The following SORCS3 variants were observed in gnomAD, a reference collection of about 807,000 sequenced individuals.
SORCS3 encodes the protein VPS10 domain-containing receptor SorCS3.
In SORCS3, 57 loss-of-function variants were observed where a neutral mutation model predicts 146.3. That is an observed-to-expected ratio of 0.39 (90% CI 0.31 to 0.49). The LOEUF is 0.49. Ranked by LOEUF, SORCS3 falls within the 20% of genes least tolerant of loss-of-function variation. The pLI, the probability that SORCS3 is intolerant of heterozygous loss-of-function variation, is 0.92. For missense variants in SORCS3, 1,341 were observed against 1,575.5 expected (o/e 0.85, Z 2.52); for synonymous variants, 653 against 618.5 (o/e 1.06, Z -0.83).
intron 1 of SORCS3, among the ~76,000 whole-genome samples, chr10:104,695,218 G>C (rs1042791410): frequency 6.6e-6 from 1 of 152,026 alleles, no homozygotes; most frequent in African/African-American, 2.4e-5. Context: ...TTCACTTATA[G>C]GAAGAGATTA....
chr10:105,151,489 T>G (rs554565182), intron 9 of SORCS3, among the ~76,000 whole-genome samples: 1 of 152,254 alleles, frequency 6.6e-6, no homozygotes, highest in South Asian at 2.1e-4. Context: ...CTGTTTCCCC[T>G]TGACTCAAAG....
At position 104,817,771 on chromosome 10, in the gene SORCS3, T is replaced by G. The variant is rs1470700603; in HGVS notation, c.628-25021T>G. On this transcript the variant is annotated intron_variant, in intron 1 of 26. Transcript: ENST00000369701. ...GCAAGTGAGTAAGGGGGTGGGCAGA[T>G]GAAGAAATCAGTCAGGGGGGATCAG... is the stretch of plus-strand genomic sequence containing the variant. 2.7e-5 allele frequency among the ~76,000 whole-genome samples: 4 copies of G among 147,214 alleles called. No homozygotes were observed. In the South Asian group the frequency reaches 9.0e-4, roughly 33 times the overall value.
At chr10:104,905,324 G>A (rs1374866170) in intron 2 of SORCS3, among the ~76,000 whole-genome samples, 2 of 152,094 alleles carry the variant, frequency 1.3e-5, no homozygotes, top group African/African-American at 2.4e-5. Flanking sequence ...TTGGAAACTG[G>A]GAATTTCCTC....
chr10:104,655,813 A>G (rs1372302815), intron 1 of SORCS3, among the ~76,000 whole-genome samples: 1 of 152,200 alleles, frequency 6.6e-6, no homozygotes, highest in African/African-American at 2.4e-5. Context: ...CGTGTAAGAC[A>G]TCTGCTCCCC....
chr10:105,180,915 T>C (rs2056438937), intron 14 of SORCS3, among the ~76,000 whole-genome samples: 1 of 152,206 alleles, frequency 6.6e-6, no homozygotes, highest in South Asian at 2.1e-4. Flanking sequence ...TTATTTATTT[T>C]TTCCTTCACA....
chr10:104,789,478 C>G (rs915564970), intron 1 of SORCS3, among the ~76,000 whole-genome samples: 1 of 152,182 alleles, frequency 6.6e-6, no homozygotes, highest in African/African-American at 2.4e-5. Context: ...TTATTCATCT[C>G]TCCACTCAGG....
intron 2 of SORCS3, among the ~76,000 whole-genome samples, chr10:104,878,449 G>A (rs954736860): frequency 2.0e-5 from 3 of 152,048 alleles, no homozygotes; most frequent in Admixed American, 6.5e-5. Context: ...TATTATAGAA[G>A]GTACTTGATG....
intron 4 of SORCS3, among the ~76,000 whole-genome samples, chr10:105,032,494 TATA>T (rs1208209580): frequency 6.6e-6 from 1 of 152,210 alleles, no homozygotes; most frequent in African/African-American, 2.4e-5. Flanking sequence ...GTTTTCTTCC[TATA>T]ATATTTTGAA....
intron 7 of SORCS3, among the ~76,000 whole-genome samples, chr10:105,121,802 C>T (rs1055249624): frequency 3.3e-5 from 5 of 152,186 alleles, no homozygotes; most frequent in African/African-American, 4.8e-5. Flanking sequence ...ACTCAAACAC[C>T]CATCCCTGGG....
At chr10:104,692,034 T>A (rs1002778210) in intron 1 of SORCS3, among the ~76,000 whole-genome samples, 4 of 152,152 alleles carry the variant, frequency 2.6e-5, no homozygotes, top group African/African-American at 9.7e-5. Context: ...ATACAGGTAT[T>A]CATGAGCTGA....
At chr10:104,955,384 T>C (rs2019478327) in intron 3 of SORCS3, among the ~76,000 whole-genome samples, 1 of 151,796 alleles carries the variant, frequency 6.6e-6, no homozygotes, top group Non-Finnish European at 1.5e-5. Flanking sequence ...AAATATTGAG[T>C]GTTTACCAAA....
chr10:105,045,423 T>C (rs1447467178), intron 5 of SORCS3, among the ~76,000 whole-genome samples: 1 of 152,200 alleles, frequency 6.6e-6, no homozygotes. Flanking sequence ...TTTTGAATAT[T>C]CAATTTTTGT....
At chr10:105,025,882 CT>C (rs1344462953) in intron 4 of SORCS3, among the ~76,000 whole-genome samples, 120 of 77,752 alleles carry the variant, frequency 1.5e-3, no homozygotes, top group African/African-American at 5.4e-3. Flanking sequence ...ACACACACAC[CT>C]GAAGAACAAG....
chr10:105,010,638 C>A lies in SORCS3; in HGVS notation c.955-32417C>A, dbSNP rs897614087. Among the ~76,000 whole-genome samples the A allele has an allele frequency of 2.0e-5, 3 of 152,130 alleles. No individual in the cohort carries two copies. The South Asian group carries it at 6.2e-4, about 32-fold the overall frequency. Reference sequence around the variant, plus strand: ...GCACTGTAATAGCAACCAGTGCACACAGACACACACTTTAATTAAAGGAAT... The same window carrying A: ...GCACTGTAATAGCAACCAGTGCACAAAGACACACACTTTAATTAAAGGAAT... On this transcript the variant is annotated intron_variant, in intron 4 of 26. Coordinates refer to ENST00000369701, the MANE Select transcript of SORCS3 (RefSeq NM_014978.3).
chr10:105,238,254 G>A (rs2056804381), intron 20 of SORCS3, among the ~76,000 whole-genome samples: 1 of 152,264 alleles, frequency 6.6e-6, no homozygotes, highest in Non-Finnish European at 1.5e-5. Flanking sequence ...TGTGTGGAAT[G>A]CAAAGCAGTG....
At chr10:104,955,847 T>C (rs972316188) in intron 3 of SORCS3, among the ~76,000 whole-genome samples, 2 of 152,218 alleles carry the variant, frequency 1.3e-5, no homozygotes, top group East Asian at 1.9e-4. Context: ...AGACAATAAA[T>C]TGGGCTCTGA....
chr10:105,189,078 A>C (rs1269781588), intron 14 of SORCS3, among the ~76,000 whole-genome samples: 3 of 152,232 alleles, frequency 2.0e-5, no homozygotes, highest in Non-Finnish European at 1.5e-5. Context: ...ATTTATCTAC[A>C]TATGAATGTA....
chr10:105,070,463 A>T (rs74157410), intron 5 of SORCS3, among the ~76,000 whole-genome samples: 2,231 of 152,328 alleles, frequency 0.015, 51 homozygotes, highest in African/African-American at 0.05. Flanking sequence ...GATCTGAATC[A>T]GATATATGTG....
chr10:104,886,172 T>C (rs573502053), intron 2 of SORCS3, among the ~76,000 whole-genome samples: 1 of 152,270 alleles, frequency 6.6e-6, no homozygotes, highest in East Asian at 1.9e-4. Flanking sequence ...TAAGACTGAC[T>C]TGATTTGTGG....
Sources: gnomAD v4.1 joint callset for allele counts (sites outside exome capture counted in the v4.1 genomes callset) on GRCh38, gnomAD v4.1.1 for gene constraint, MANE v1.5 for transcripts, NCBI Gene and HGNC (gene_info 2026-07-23, HGNC 2026-07-21) for gene names.